Variants in ACVR1B observed in about 807,000 individuals in gnomAD.
ACVR1B encodes activin A receptor type 1B.
Under a neutral mutation model 55.6 loss-of-function variants are expected in ACVR1B, and 15 were observed. The observed-to-expected ratio is 0.27, with a 90% confidence interval of 0.18 to 0.42. The LOEUF is 0.42. Among genes scored for constraint, ACVR1B ranks in the 10% least tolerant of loss-of-function variants. The pLI is 1.00. For synonymous variants in ACVR1B, 247 were observed against 254.6 expected (o/e 0.97, Z 0.28); for missense variants, 359 against 670.1 (o/e 0.54, Z 5.13).
intron 1 of ACVR1B, among the ~76,000 whole-genome samples, chr12:51,958,996 A>G (rs1057121726): frequency 6.6e-6 from 1 of 152,204 alleles, no homozygotes; most frequent in South Asian, 2.1e-4. Flanking sequence ...ACGAAAGGAG[A>G]CAAAATTGCC....
rs140145955 is a variant in ACVR1B, at chr12:51,994,727, AGT to A, written c.*630_*631del. 17 of 152,832 alleles carry A rather than the reference AGT, an allele frequency of 1.1e-4. No individual in the cohort carries two copies. The highest frequency in any genetic ancestry group is 1.9e-4 in the Non-Finnish European group (13 of 68,600). The allele number at this position is 152,832 out of a possible 1,614,324, so 9.5% of individuals were successfully genotyped here. A position where few individuals can be genotyped will look rare whatever the true frequency, so the allele number is the denominator to read the frequency against. ...TGCCATGCCCTTACACGTGCGTGTG[AGT>A]GTGTGTGTGTGTCTGTAGGTGCGCA... On this transcript the variant is annotated 3_prime_UTR_variant, in exon 9 of 9. Coordinates refer to ENST00000257963, the MANE Select transcript of ACVR1B (RefSeq NM_004302.5). The surrounding 1 kb of genome is among the most constrained non-coding windows in gnomAD (Gnocchi z 4.2).
intron 1 of ACVR1B, among the ~76,000 whole-genome samples, chr12:51,970,841 A>T (rs937807690): frequency 2.6e-5 from 4 of 152,216 alleles, no homozygotes; most frequent in African/African-American, 9.6e-5. Flanking sequence ...TACTAAATTT[A>T]TGAAATTTAT....
intron 7 of ACVR1B, among the ~76,000 whole-genome samples, chr12:51,991,506 A>T (rs1163779243): frequency 6.6e-6 from 1 of 152,196 alleles, no homozygotes; most frequent in African/African-American, 2.4e-5. Context: ...GGTTCAAGCT[A>T]TTCTCCTGCC....
chr12:51,988,423 G>A (rs773046435), intron 7 of ACVR1B, among the ~76,000 whole-genome samples: 3 of 152,314 alleles, frequency 2.0e-5, no homozygotes, highest in East Asian at 1.9e-4. Context: ...AGCCAAGATC[G>A]AGCCACTGCA....
At chr12:51,993,092 CAA>C (rs1198815181) in intron 8 of ACVR1B, among the ~76,000 whole-genome samples, 1 of 152,202 alleles carries the variant, frequency 6.6e-6, no homozygotes, top group East Asian at 1.9e-4. Flanking sequence ...GATTACCACA[CAA>C]GTTAGTGAAC....
chr12:51,976,256 A>T, intron 2 of ACVR1B, 71 bp from the exon 3 acceptor site: 1 of 1,566,630 alleles, frequency 6.4e-7, no homozygotes, highest in South Asian at 1.1e-5. Context: ...CTTCACTTTG[A>T]GGGGGGTGTT....
chr12:51,983,951 TTGCTGATAGTTACACTTTTTC>T lies in ACVR1B; in HGVS notation c.812-45_812-25del, dbSNP rs769792559. 3.3e-5 allele frequency: 53 copies of T among 1,604,404 alleles called. 1 individual carries two copies. Among genetic ancestry groups the T allele is most frequent in the Non-Finnish European group, 4.3e-5 (50 of 1,172,118 alleles). On this transcript the variant is annotated intron_variant, in intron 4 of 8. Coordinates refer to ENST00000257963, the MANE Select transcript of ACVR1B (RefSeq NM_004302.5). ...CTCATCCTTACCAACCTTCACTGTT[TTGCTGATAGTTACACTTTTTC>T]TGGGACTCATCTGTGGTTCTCTGCA...
chr12:51,990,375 C>T (rs1364093005), intron 7 of ACVR1B, among the ~76,000 whole-genome samples: 3 of 120,350 alleles, frequency 2.5e-5, no homozygotes, highest in Admixed American at 1.1e-4. Context: ...AGTGCAGTGG[C>T]GTGATCACAG....
chr12:51,969,163 GT>G (rs1421531544), intron 1 of ACVR1B, among the ~76,000 whole-genome samples: 1 of 152,130 alleles, frequency 6.6e-6, no homozygotes, highest in African/African-American at 2.4e-5. Context: ...CCCTGCCCAA[GT>G]TCCTGGCTCA....
chr12:51,970,386 AGT>A (rs1941723959), intron 1 of ACVR1B, among the ~76,000 whole-genome samples: 1 of 152,232 alleles, frequency 6.6e-6, no homozygotes, highest in Admixed American at 6.5e-5. Flanking sequence ...CTATCCATAA[AGT>A]GAGACAGCTA....
chr12:51,981,362 T>C (rs1941974318), intron 4 of ACVR1B, among the ~76,000 whole-genome samples, 163 bp downstream of exon 4: 1 of 152,172 alleles, frequency 6.6e-6, no homozygotes, highest in African/African-American at 2.4e-5. Context: ...TGGAGCCTTT[T>C]ATTCCATGAA....
chr12:51,987,008 T>C, intron 7 of ACVR1B, 66 bp downstream of exon 7: 2 of 1,609,302 alleles, frequency 1.2e-6, no homozygotes, highest in South Asian at 2.2e-5. Context: ...CAAAGCTGTT[T>C]TACTGCCCCC....
intron 1 of ACVR1B, among the ~76,000 whole-genome samples, chr12:51,961,202 A>G (rs1480557913): frequency 1.3e-5 from 2 of 152,198 alleles, no homozygotes; most frequent in African/African-American, 2.4e-5. Context: ...CCCACTCTCC[A>G]TGCCCAAAGA....
In ACVR1B at chr12:51,975,246, G is replaced by A. The variant is rs1247003190; in HGVS notation, c.92-19G>A. ...GATCTCACCATTGATGTCAATGTCTGCTCCCCAATTTCCTGCAGCTCTGCT... is the reference window on the plus strand; with the variant it reads ...GATCTCACCATTGATGTCAATGTCTACTCCCCAATTTCCTGCAGCTCTGCT... On this transcript the variant is annotated intron_variant, in intron 1 of 8. Transcript: ENST00000257963. 4 of 1,600,760 alleles carry A rather than the reference G, an allele frequency of 2.5e-6. No homozygotes were observed. Among genetic ancestry groups the A allele is most frequent in the Non-Finnish European group, 3.4e-6 (4 of 1,173,280 alleles).
intron 1 of ACVR1B, among the ~76,000 whole-genome samples, chr12:51,955,025 G>A (rs919757650): frequency 1.3e-5 from 2 of 152,164 alleles, no homozygotes; most frequent in African/African-American, 4.8e-5. Context: ...CGTCGACTAG[G>A]CAGCATACCT....
At chr12:51,983,936 C>G in intron 4 of ACVR1B, 63 bp from the exon 5 acceptor site, 2 of 1,576,038 alleles carry the variant, frequency 1.3e-6, no homozygotes, top group Non-Finnish European at 1.7e-6. Context: ...CTCATCCTTA[C>G]CAACCTTCAC....
At chr12:51,956,133 C>T (rs1175934349) in intron 1 of ACVR1B, among the ~76,000 whole-genome samples, 1 of 152,190 alleles carries the variant, frequency 6.6e-6, no homozygotes, top group African/African-American at 2.4e-5. Context: ...GTTTCCATCC[C>T]AGGCAATCTT....
chr12:51,984,785 C>T (rs979556916), intron 5 of ACVR1B, among the ~76,000 whole-genome samples: 5 of 152,194 alleles, frequency 3.3e-5, no homozygotes, highest in Non-Finnish European at 7.3e-5. Flanking sequence ...ATAGCCTGTG[C>T]GGTGCCAGTT....
chr12:51,979,995 C>A (rs1182775551), intron 3 of ACVR1B, among the ~76,000 whole-genome samples: 1 of 152,096 alleles, frequency 6.6e-6, no homozygotes, highest in African/African-American at 2.4e-5. Flanking sequence ...TGGTTCTATA[C>A]TGTTGTCATT....
Sources: gnomAD v4.1 joint callset for allele counts (sites outside exome capture counted in the v4.1 genomes callset) on GRCh38, gnomAD v4.1.1 for gene constraint, Gnocchi (gnomAD v3.1) non-coding constraint, MANE v1.5 for transcripts, NCBI Gene and HGNC (gene_info 2026-07-23, HGNC 2026-07-21) for gene names.